The following VWDE variants were observed in gnomAD, a reference collection of about 807,000 sequenced individuals.
The protein encoded by VWDE is von Willebrand factor D and EGF domains.
In VWDE, 207 loss-of-function variants were observed where a neutral mutation model predicts 178.4. That is an observed-to-expected ratio of 1.16 (90% CI 1.04 to 1.30). The LOEUF (loss-of-function observed/expected upper bound fraction) is 1.30. Among genes scored for constraint, VWDE ranks in the 50% most tolerant of loss-of-function variants. VWDE has a pLI of 0.00. For synonymous variants in VWDE, 738 were observed against 651.4 expected (o/e 1.13, Z -2.02); for missense variants, 2,287 against 1,901.3 (o/e 1.20, Z -3.77).
intron 6 of VWDE, among the ~76,000 whole-genome samples, chr7:12,378,781 T>G (rs1783677662): frequency 6.6e-6 from 1 of 152,172 alleles, no homozygotes; most frequent in Non-Finnish European, 1.5e-5. Context: ...TACATGGACT[T>G]TATTCATAAA....
chr7:12,361,232 T>C lies in VWDE; in HGVS notation c.3074A>G (p.Lys1025Arg). Residue 1025 changes from lysine to arginine, a missense_variant, in exon 15 of 29, where the codon AAA becomes AGA. Transcript: ENST00000275358. ...GACCGTTATTTTGGGATTACTGAAT[T>C]TATAACCATCATTAGATACCTGTAA... is the stretch of plus-strand genomic sequence containing the variant. ...WQLKVSNDGY[K>R]FSNPKITVIY... 6.5e-7 allele frequency: 1 copy of C among 1,547,862 alleles called. No individual in the cohort carries two copies. The highest frequency in any genetic ancestry group is 1.2e-5 in the South Asian group (1 of 83,622).
At chr7:12,348,552 C>A (rs1304791867) in intron 19 of VWDE, among the ~76,000 whole-genome samples, 1 of 150,558 alleles carries the variant, frequency 6.6e-6, no homozygotes, top group Non-Finnish European at 1.5e-5. Context: ...GTTAGAATGG[C>A]AATCATTAAA....
chr7:12,345,458 A>C (rs1320234646), intron 19 of VWDE, among the ~76,000 whole-genome samples: 1 of 152,176 alleles, frequency 6.6e-6, no homozygotes, highest in Non-Finnish European at 1.5e-5. Flanking sequence ...TGACCATCTG[A>C]GCTTGGCACA....
Position 12,344,545 on chromosome 7 carries a change from A to G in VWDE, c.3887-76T>C, listed in dbSNP as rs1008555571. On this transcript the variant is annotated intron_variant, in intron 19 of 28. Transcript: ENST00000275358. ...TATTGCTCAGAGACTTAGTTATGAT[A>G]GAAGCAAAAGTCTCTGAAGTTTGAA... 3.5e-6 allele frequency: 4 copies of G among 1,155,278 alleles called. No homozygotes were observed. The African/African-American group carries it at 6.3e-5, about 18-fold the overall frequency. The allele number at this position is 1,155,278 out of a possible 1,614,324, so 71.6% of individuals were successfully genotyped here.
intron 12 of VWDE, among the ~76,000 whole-genome samples, chr7:12,369,239 C>T (rs1330194496): frequency 3.3e-5 from 5 of 152,130 alleles, no homozygotes; most frequent in Admixed American, 3.3e-4. Flanking sequence ...TTGGCATTTT[C>T]AAAGGACAGC....
At position 12,336,184 on chromosome 7, in the gene VWDE, T is replaced by C. The variant is rs1277303274; in HGVS notation, c.4611A>G (p.Ile1537Met). The change falls in exon 27 of 29, where the codon ATA (isoleucine) becomes ATG (methionine). Residue 1537 changes from isoleucine to methionine, a missense_variant. Ile to Met is a conservative substitution (Grantham distance 10, BLOSUM62 1). Coordinates refer to ENST00000275358, the MANE Select transcript of VWDE (RefSeq NM_001135924.3). ...KNGGECIAPS[I>M]CHCPSSWEGV... ...CTTCCCAGGAGGAAGGACAATGGCA[T>C]ATGCTGGGCGCAATGCATTCACCAC... 1.3e-6 allele frequency: 2 copies of C among 1,551,476 alleles called. No homozygotes were observed. The highest frequency in any genetic ancestry group is 1.7e-6 in the Non-Finnish European group (2 of 1,146,914).
At chr7:12,342,231 A>C in intron 22 of VWDE, 77 bp from the exon 23 acceptor site, 15 of 1,073,336 alleles carry the variant, frequency 1.4e-5, no homozygotes, top group Non-Finnish European at 1.7e-5. Flanking sequence ...TAGCTAGCTC[A>C]TAACTGCTAA....
intron 3 of VWDE, chr7:12,388,716 A>C (rs1211914583): frequency 1.3e-5 from 4 of 297,866 alleles, no homozygotes; most frequent in African/African-American, 2.2e-5. Flanking sequence ...GGCCTTAAAT[A>C]ATTTCTGGCA....
intron 2 of VWDE, among the ~76,000 whole-genome samples, chr7:12,392,864 G>C (rs1174306902): frequency 6.8e-6 from 1 of 147,564 alleles, no homozygotes; most frequent in East Asian, 2.0e-4. Context: ...TTTTAATTTT[G>C]TCCATTTAAA....
chr7:12,342,027 G>A, intron 23 of VWDE, 32 bp downstream of exon 23: 1 of 1,505,326 alleles, frequency 6.6e-7, no homozygotes, highest in Non-Finnish European at 9.0e-7. Context: ...ACTTTTAATT[G>A]ACATGTTCAT....
intron 13 of VWDE, among the ~76,000 whole-genome samples, chr7:12,364,895 T>G (rs1468588546): frequency 6.6e-6 from 1 of 152,052 alleles, no homozygotes; most frequent in African/African-American, 2.4e-5. Context: ...CTTAAGTAAG[T>G]GATCAAAATT....
At chr7:12,341,183 T>C (rs903132879) in intron 23 of VWDE, among the ~76,000 whole-genome samples, 1 of 152,004 alleles carries the variant, frequency 6.6e-6, no homozygotes, top group Non-Finnish European at 1.5e-5. Context: ...CGACTTGAAA[T>C]GAGGGCAAAA....
intron 16 of VWDE, among the ~76,000 whole-genome samples, chr7:12,358,219 A>T: frequency 6.6e-6 from 1 of 152,062 alleles, no homozygotes; most frequent in South Asian, 2.1e-4. Flanking sequence ...TCTACTAAAA[A>T]TAAAAATTAG....
chr7:12,361,574 T>C, intron 13 of VWDE, 53 bp from the exon 14 acceptor site: 1 of 1,438,670 alleles, frequency 7.0e-7, no homozygotes, highest in Non-Finnish European at 9.2e-7. Flanking sequence ...GGAAATATTT[T>C]GTTAGTAAAT....
intron 6 of VWDE, among the ~76,000 whole-genome samples, chr7:12,379,001 T>G (rs933500382): frequency 6.6e-6 from 1 of 152,164 alleles, no homozygotes; most frequent in Non-Finnish European, 1.5e-5. Flanking sequence ...TCTGCTAGAA[T>G]AGCTCTTCAG....
At chr7:12,339,297 C>T (rs1359025335) in intron 24 of VWDE, among the ~76,000 whole-genome samples, 6 of 152,160 alleles carry the variant, frequency 3.9e-5, no homozygotes, top group Admixed American at 3.9e-4. Context: ...CTTCATCTTA[C>T]AACTACTTCA....
intron 3 of VWDE, among the ~76,000 whole-genome samples, chr7:12,386,123 G>A (rs1784087053): frequency 6.6e-6 from 1 of 151,694 alleles, no homozygotes; most frequent in Non-Finnish European, 1.5e-5. Context: ...ATAAATGATG[G>A]GTTTTTCCAT....
Position 12,370,517 on chromosome 7 carries a change from A to G in VWDE, c.1797-8T>C. ...CTTTTTCCTGGTAAAATCCTTCCAG[A>G]TGGAAAACAGGAAAGAATAGTAATT... On this transcript the variant is annotated splice_polypyrimidine_tract_variant and splice_region_variant and intron_variant, in intron 11 of 28. Transcript: ENST00000275358. 6.5e-7 allele frequency: 1 copy of G among 1,534,532 alleles called. No homozygotes were observed. Among genetic ancestry groups the G allele is most frequent in the Non-Finnish European group, 8.8e-7 (1 of 1,141,882 alleles).
In VWDE at chr7:12,369,999, T is replaced by C. The variant is rs1211957236; in HGVS notation, c.2307A>G (p.Gln769=). 2.6e-6 allele frequency: 4 copies of C among 1,551,350 alleles called. No homozygotes were observed. The African/African-American group carries it at 5.5e-5, about 21-fold the overall frequency. The part of the protein sequence containing the change: ...PPLFAFPSLS[Q]TDLEELTYFF... ...AATAAGTAAGTTCTTCCAGATCCGTTTGGCTGAGACTCGGGAAAGCAAACA... is the reference window on the plus strand; with the variant it reads ...AATAAGTAAGTTCTTCCAGATCCGTCTGGCTGAGACTCGGGAAAGCAAACA... Residue 769 remains glutamine (Q), a synonymous_variant, in exon 12 of 29, where the codon CAA becomes CAG. Coordinates refer to ENST00000275358, the MANE Select transcript of VWDE (RefSeq NM_001135924.3).
Sources: allele counts gnomAD v4.1 joint callset (sites outside exome capture counted in the v4.1 genomes callset), GRCh38; gene constraint gnomAD v4.1.1; transcripts MANE v1.5; gene names NCBI Gene and HGNC (gene_info 2026-07-23, HGNC 2026-07-21).